Variants in STOM observed in about 807,000 individuals in gnomAD.
STOM encodes the protein stomatin.
Under a neutral mutation model 30.6 loss-of-function variants are expected in STOM, and 25 were observed. The observed-to-expected ratio is 0.82, with a 90% CI of 0.60 to 1.14. The LOEUF is 1.14. Among genes scored for constraint, STOM ranks in the 50% most tolerant of loss-of-function variants. The pLI is 0.00. For missense variants in STOM, 292 were observed against 365.2 expected (o/e 0.80, Z 1.63); for synonymous variants, 118 against 130.8 (o/e 0.90, Z 0.67).
intron 4 of STOM, among the ~76,000 whole-genome samples, chr9:121,350,061 G>A (rs10985215): frequency 0.058 from 8,885 of 152,262 alleles, 314 homozygotes; most frequent in East Asian, 0.16. Context: ...AAAGTTCCTG[G>A]CACGTAAGAG....
intron 4 of STOM, 129 bp from the exon 5 acceptor site, chr9:121,349,452 TTA>T (rs2134027558): frequency 3.0e-6 from 2 of 669,588 alleles, no homozygotes; most frequent in South Asian, 2.2e-5. Flanking sequence ...AGAAAGTTAA[TTA>T]TATCTTTTAA....
Position 121,348,109 on chromosome 9 carries a change from AC to A in STOM, c.565del (p.Val189TrpfsTer9). 1 of 1,614,176 alleles carries A rather than the reference AC, an allele frequency of 6.2e-7. No individual in the cohort carries two copies. The highest frequency in any genetic ancestry group is 8.5e-7 in the Non-Finnish European group (1 of 1,180,026). ...CACATCCTTAATTTCCACACGCTCC[AC>A]CTTTATTCCCCAGGCATCAGTGGCA... ...DDATDAWGIKVERVEIKDVKL... is the reference protein window; with the variant it reads ...DDATDAWGIKXERVEIKDVKL... On this transcript the variant is annotated frameshift_variant, in exon 6 of 7. Transcript: ENST00000286713. LOFTEE classifies it high-confidence loss of function.
At chr9:121,368,582 T>C (rs2064527926) in intron 1 of STOM, among the ~76,000 whole-genome samples, 1 of 152,110 alleles carries the variant, frequency 6.6e-6, no homozygotes. Context: ...AAGTATAATA[T>C]GGGGATAAGA....
At chr9:121,343,375 G>A (rs980697067) in intron 6 of STOM, among the ~76,000 whole-genome samples, 1 of 152,136 alleles carries the variant, frequency 6.6e-6, no homozygotes, top group South Asian at 2.1e-4. Context: ...GGGTTAATAA[G>A]CCCTGTGTAG....
intron 6 of STOM, among the ~76,000 whole-genome samples, chr9:121,344,713 A>T (rs2064274769): frequency 6.6e-6 from 1 of 152,222 alleles, no homozygotes; most frequent in South Asian, 2.1e-4. Context: ...TCTGCAGACC[A>T]GGTGGTCTGG....
intron 6 of STOM, among the ~76,000 whole-genome samples, chr9:121,344,342 A>G (rs115849409): frequency 0.011 from 1,677 of 152,274 alleles, 33 homozygotes; most frequent in African/African-American, 0.038. Context: ...CAGATGTCCA[A>G]TTAGGCACTT....
chr9:121,369,815 G>A (rs2064546139), intron 1 of STOM: 7 of 350,362 alleles, frequency 2.0e-5, no homozygotes. Context: ...TTCCCTCTGC[G>A]TTTCCTAGTC....
In STOM at chr9:121,353,276, C is replaced by A; in HGVS notation, c.265G>T (p.Asp89Tyr). The change falls in exon 4 of 7, where the codon GAC becomes TAC. Residue 89 changes from aspartate to tyrosine, a missense_variant. Coordinates refer to ENST00000286713, the MANE Select transcript of STOM (RefSeq NM_004099.6). The stretch of plus-strand genomic sequence containing the variant: ...CTCATGTCCACTTTGATGAAGCTGT[C>A]AGTGCATGGCAGAATAAAAAACAAA... The part of the protein sequence containing the change: ...PGLFFILPCT[D>Y]SFIKVDMRTI... The A allele has an allele frequency of 1.2e-6, 2 of 1,611,076 alleles. No individual in the cohort carries two copies. The highest frequency in any genetic ancestry group is 2.2e-5 in the South Asian group (2 of 90,556).
At position 121,354,703 on chromosome 9, in the gene STOM, C is replaced by T. The variant is rs763648761; in HGVS notation, c.166-30G>A. ...AATAAAAACATGAATAATAATTTAA[C>T]ATGAAGAGTACAAATATATACATGC... is the stretch of plus-strand genomic sequence containing the variant. On this transcript the variant is annotated intron_variant, in intron 2 of 6. Coordinates refer to ENST00000286713, the MANE Select transcript of STOM (RefSeq NM_004099.6). The T allele has an allele frequency of 5.9e-6, 9 of 1,525,736 alleles. No individual in the cohort carries two copies. The East Asian group carries it at 1.4e-4, about 23-fold the overall frequency. The allele number at this position is 1,525,736 out of a possible 1,614,324, so 94.5% of individuals were successfully genotyped here.
intron 3 of STOM, among the ~76,000 whole-genome samples, chr9:121,353,860 A>C (rs975038463): frequency 1.7e-4 from 26 of 152,106 alleles, no homozygotes; most frequent in African/African-American, 6.3e-4. Flanking sequence ...AGACCTCAAG[A>C]CTCAGTCAAG....
chr9:121,341,118 A>C lies in STOM; in HGVS notation c.*84T>G, dbSNP rs983186927. On this transcript the variant is annotated 3_prime_UTR_variant, in exon 7 of 7. Transcript: ENST00000286713. ...AACACCACAATTGACATATGGAAAA[A>C]GAAAAGCCCTACCCTCTCTTTATGA... is the stretch of plus-strand genomic sequence containing the variant. 6.3e-7 allele frequency: 1 copy of C among 1,588,052 alleles called. No homozygotes were observed. Among genetic ancestry groups the C allele is most frequent in the Admixed American group, 1.8e-5 (1 of 57,016 alleles).
chr9:121,347,966 A>G (rs1183970114), intron 6 of STOM, 49 bp downstream of exon 6: 2 of 1,550,356 alleles, frequency 1.3e-6, no homozygotes, highest in South Asian at 2.4e-5. Flanking sequence ...TATAATTATT[A>G]ATAAAAGAGA....
intron 1 of STOM, among the ~76,000 whole-genome samples, chr9:121,368,175 T>C (rs569487098): frequency 6.6e-6 from 1 of 152,312 alleles, no homozygotes; most frequent in South Asian, 2.1e-4. Context: ...CAAAATTTTA[T>C]TTGTATGTCT....
chr9:121,340,888 G>T lies in STOM; in HGVS notation c.*314C>A, dbSNP rs2064240119. ...GGTGGCAGTTACAGCCCAGGTTCTT[G>T]CCTCTGGCCTGGGTGCTTAGGGGGT... On this transcript the variant is annotated 3_prime_UTR_variant, in exon 7 of 7. Coordinates refer to ENST00000286713, the MANE Select transcript of STOM (RefSeq NM_004099.6). 5.1e-6 allele frequency: 6 copies of T among 1,168,002 alleles called. No individual in the cohort carries two copies. The highest frequency in any genetic ancestry group is 6.4e-6 in the Non-Finnish European group (6 of 938,264). The allele number at this position is 1,168,002 out of a possible 1,614,324, so 72.4% of individuals were successfully genotyped here. A position where few individuals can be genotyped will look rare whatever the true frequency, so the allele number is the denominator to read the frequency against.
Position 121,359,963 on chromosome 9 carries a change from G to T in STOM, c.62-3807C>A, listed in dbSNP as rs61126524. 3.3e-3 allele frequency among the ~76,000 whole-genome samples: 508 copies of T among 152,306 alleles called. 2 individuals are homozygous for T. Among genetic ancestry groups the T allele is most frequent in the African/African-American group, 0.012 (491 of 41,558 alleles). On this transcript the variant is annotated intron_variant, in intron 1 of 6. Coordinates refer to ENST00000286713, the MANE Select transcript of STOM (RefSeq NM_004099.6). Reference sequence around the variant, plus strand: ...TTTCAAGGCTCTGTGACAGACACAGGTCTAGGTTTCCAGGGTGAAATGAAT... The same window carrying T: ...TTTCAAGGCTCTGTGACAGACACAGTTCTAGGTTTCCAGGGTGAAATGAAT...
intron 1 of STOM, among the ~76,000 whole-genome samples, chr9:121,359,808 C>T (rs955298592): frequency 7.2e-5 from 11 of 152,164 alleles, no homozygotes; most frequent in Non-Finnish European, 1.0e-4. Context: ...AGAATGTTTT[C>T]GTGGTTGAGC....
intron 1 of STOM, among the ~76,000 whole-genome samples, chr9:121,365,378 T>C (rs760042729): frequency 1.3e-5 from 2 of 151,820 alleles, no homozygotes; most frequent in Non-Finnish European, 2.9e-5. Context: ...TTCAGGAAAA[T>C]TGGAGAGAAA....
At chr9:121,342,288 C>T (rs1318137996) in intron 6 of STOM, among the ~76,000 whole-genome samples, 1 of 151,188 alleles carries the variant, frequency 6.6e-6, no homozygotes, top group Non-Finnish European at 1.5e-5. Context: ...GAGAATTGCT[C>T]GAACCCGGGA....
At position 121,351,279 on chromosome 9, in the gene STOM, G is replaced by A. The variant is rs114540299; in HGVS notation, c.321+1941C>T. Among the ~76,000 whole-genome samples, 1,196 of 152,306 alleles carry A rather than the reference G, an allele frequency of 7.9e-3. 21 individuals carry two copies. The highest frequency in any genetic ancestry group is 0.027 in the African/African-American group (1,140 of 41,564). The stretch of plus-strand genomic sequence containing the variant: ...TGAGACTCAATCTTCCTTAGACGAT[G>A]GGAAAACACACAGAGAATACAGTGA... On this transcript the variant is annotated intron_variant, in intron 4 of 6. Transcript: ENST00000286713.
Sources: allele counts gnomAD v4.1 joint callset (sites outside exome capture counted in the v4.1 genomes callset), GRCh38; gene constraint gnomAD v4.1.1; transcripts MANE v1.5; gene names NCBI Gene and HGNC (gene_info 2026-07-23, HGNC 2026-07-21).